The following UNC13B variants were observed in gnomAD, a reference collection of about 807,000 sequenced individuals.
UNC13B encodes the protein unc-13 homolog B.
In UNC13B, 144 loss-of-function variants were observed where a neutral mutation model predicts 211.0. The ratio of observed to expected loss-of-function variants is 0.68; its 90% CI spans 0.60 to 0.78. UNC13B has a LOEUF of 0.78. Ranked by LOEUF, UNC13B falls within the 30% of genes least tolerant of loss-of-function variation. The pLI, the probability that UNC13B is intolerant of heterozygous loss-of-function variation, is 0.00. For missense variants in UNC13B, 1,777 were observed against 2,002.0 expected (o/e 0.89, Z 2.14); for synonymous variants, 709 against 725.8 (o/e 0.98, Z 0.37).
chr9:35,201,997 C>T (rs1461337620), intron 1 of UNC13B, among the ~76,000 whole-genome samples: 1 of 152,164 alleles, frequency 6.6e-6, no homozygotes, highest in Non-Finnish European at 1.5e-5. Flanking sequence ...TTTCCGTCTA[C>T]ACATTGCTTT....
At position 35,313,971 on chromosome 9, in the gene UNC13B, T is replaced by C; in HGVS notation, c.9396T>C (p.Val3132=). Reference sequence around the variant, plus strand: ...ATTGGATCCGAGCAGTTACCAAGGTTCGACTCCAGCTGCAGGAGGTAGGAA... The same window carrying C: ...ATTGGATCCGAGCAGTTACCAAGGTCCGACTCCAGCTGCAGGAGGTAGGAA... The part of the protein sequence containing the change: ...RAHWIRAVTK[V]RLQLQEIPDD... Residue 3132 remains valine, a synonymous_variant, in exon 11 of 40, where the codon GTT becomes GTC. Transcript: ENST00000635942. The C allele has an allele frequency of 6.2e-7, 1 of 1,613,776 alleles. No homozygotes were observed. The highest frequency in any genetic ancestry group is 8.5e-7 in the Non-Finnish European group (1 of 1,179,716).
chr9:35,403,673 G>A (rs1481063884), intron 39 of UNC13B, 74 bp downstream of exon 39: 40 of 1,590,242 alleles, frequency 2.5e-5, no homozygotes, highest in Non-Finnish European at 2.8e-5. Flanking sequence ...AGGAGGGCCC[G>A]GGGGGATGGC....
chr9:35,176,235 GT>G (rs1350531231), intron 1 of UNC13B, among the ~76,000 whole-genome samples: 1 of 151,792 alleles, frequency 6.6e-6, no homozygotes, highest in East Asian at 1.9e-4. Flanking sequence ...AGTGCAAAGG[GT>G]TCATTCATTT....
At chr9:35,185,554 C>T (rs3904436) in intron 1 of UNC13B, among the ~76,000 whole-genome samples, 125,011 of 152,114 alleles carry the variant, frequency 0.82, 51,613 homozygotes, top group East Asian at 0.98. Context: ...GAGCTTCACT[C>T]TGGGCTCTTG....
At chr9:35,242,547 T>G (rs1382684309) in intron 5 of UNC13B, among the ~76,000 whole-genome samples, 1 of 152,210 alleles carries the variant, frequency 6.6e-6, no homozygotes, top group Non-Finnish European at 1.5e-5. Context: ...TATTTGTCTT[T>G]TTTGTGATGG....
At chr9:35,377,393 G>T in intron 15 of UNC13B, 75 bp from the exon 16 acceptor site, 2 of 1,484,312 alleles carry the variant, frequency 1.3e-6, no homozygotes, top group African/African-American at 2.8e-5. Context: ...CTGCTCTGCA[G>T]CCTCTCCCAG....
At chr9:35,183,766 GAT>G (rs1222363806) in intron 1 of UNC13B, among the ~76,000 whole-genome samples, 9 of 126,644 alleles carry the variant, frequency 7.1e-5, no homozygotes, top group African/African-American at 1.5e-4. Context: ...CATCCCAGAC[GAT>G]GGGCGGCCAG....
chr9:35,342,230 T>C, intron 11 of UNC13B: 2 of 985,644 alleles, frequency 2.0e-6, no homozygotes, highest in Non-Finnish European at 2.4e-6. Context: ...AACCAAGGAG[T>C]GCTCCTGGAT....
At chr9:35,354,130 T>A (rs1407543476) in intron 11 of UNC13B, among the ~76,000 whole-genome samples, 2 of 152,186 alleles carry the variant, frequency 1.3e-5, no homozygotes, top group Non-Finnish European at 2.9e-5. Context: ...CAGAAGTAGT[T>A]TGCAGCTGCA....
intron 11 of UNC13B, among the ~76,000 whole-genome samples, chr9:35,323,114 A>ATTTAT (rs1830823148): frequency 6.6e-6 from 1 of 151,412 alleles, no homozygotes; most frequent in African/African-American, 2.4e-5. Flanking sequence ...GGATCAGTCC[A>ATTTAT]GAGTTAATCC....
intron 6 of UNC13B, among the ~76,000 whole-genome samples, chr9:35,258,009 C>G (rs546102404): frequency 6.6e-6 from 1 of 152,160 alleles, no homozygotes; most frequent in Non-Finnish European, 1.5e-5. Context: ...TAGAAAAGTT[C>G]GAATTCTTAC....
At chr9:35,386,433 A>G (rs1398259487) in intron 24 of UNC13B, 140 bp downstream of exon 24, 7 of 1,157,218 alleles carry the variant, frequency 6.0e-6, no homozygotes, top group Admixed American at 2.6e-5. Flanking sequence ...AGTATGAACC[A>G]TGTGGACCAT....
At chr9:35,401,321 G>A (rs1256280023) in intron 37 of UNC13B, among the ~76,000 whole-genome samples, 1 of 152,182 alleles carries the variant, frequency 6.6e-6, no homozygotes, top group African/African-American at 2.4e-5. Flanking sequence ...TAAGAAAATG[G>A]AAGGGACCGA....
Position 35,381,041 on chromosome 9 carries a change from G to T in UNC13B, c.10376-59G>T, listed in dbSNP as rs548109525. On this transcript the variant is annotated intron_variant, in intron 18 of 39. Coordinates refer to ENST00000635942, the MANE Select transcript of UNC13B (RefSeq NM_001371189.2). ...CTCTTCCTTGGGTTAAGCCAGAATG[G>T]AACTATCTATGCTGTCTAGTTGCAT... is the stretch of plus-strand genomic sequence containing the variant. The T allele has an allele frequency of 2.9e-5, 44 of 1,512,376 alleles. No homozygotes were observed. In the African/African-American group the frequency reaches 4.8e-4, roughly 17 times the overall value. The allele number at this position is 1,512,376 out of a possible 1,614,324, so 93.7% of individuals were successfully genotyped here. A position where few individuals can be genotyped will look rare whatever the true frequency, so the allele number is the denominator to read the frequency against.
chr9:35,335,149 G>A (rs2131984615), intron 11 of UNC13B, among the ~76,000 whole-genome samples: 1 of 152,360 alleles, frequency 6.6e-6, no homozygotes, highest in Middle Eastern at 3.4e-3. Flanking sequence ...AGGACTTTAA[G>A]GAACAAGCCC....
rs933188785 is a variant in UNC13B, at chr9:35,307,251, G to C, written c.7847G>C (p.Gly2616Ala). The C allele has an allele frequency of 2.5e-6, 1 of 398,852 alleles. No homozygotes were observed. Among genetic ancestry groups the C allele is most frequent in the Non-Finnish European group, 4.4e-6 (1 of 226,074 alleles). 24.7% of individuals were successfully genotyped at this position (398,852 alleles called of 1,614,324 possible). The change falls in exon 9 of 40, where the codon GGT becomes GCT. Residue 2616 changes from glycine (G) to alanine (A), a missense_variant. Coordinates refer to ENST00000635942, the MANE Select transcript of UNC13B (RefSeq NM_001371189.2). ...SETINTSSFS[G>A]DDTGQGVLSL... ...ACAATTAATACATCTTCTTTCTCGG[G>C]TGATGATACTGGGCAAGGAGTATTG...
rs1436525647 is a variant in UNC13B, at chr9:35,405,265, G to C, written c.*1232G>C. On this transcript the variant is annotated 3_prime_UTR_variant, in exon 40 of 40. Coordinates refer to ENST00000635942, the MANE Select transcript of UNC13B (RefSeq NM_001371189.2). ...AAACAAGAAACCAAGCATCTTTGCT[G>C]TTGTTAATTATTATATGTGCCATTG... The C allele has an allele frequency of 6.6e-6, 1 of 152,644 alleles. No homozygotes were observed. Among genetic ancestry groups the C allele is most frequent in the Non-Finnish European group, 1.5e-5 (1 of 68,034 alleles). 9.5% of individuals were successfully genotyped at this position (152,644 alleles called of 1,614,324 possible).
At chr9:35,271,494 T>C (rs982687883) in intron 7 of UNC13B, among the ~76,000 whole-genome samples, 1 of 152,160 alleles carries the variant, frequency 6.6e-6, no homozygotes, top group Non-Finnish European at 1.5e-5. Context: ...CAACAAATGG[T>C]ATCAGTATAA....
intron 2 of UNC13B, among the ~76,000 whole-genome samples, chr9:35,228,247 A>G (rs1478854610): frequency 6.6e-6 from 1 of 152,122 alleles, no homozygotes; most frequent in African/African-American, 2.4e-5. Flanking sequence ...TAATAACTAT[A>G]TATTTAGAGG....
Sources: gnomAD v4.1 joint callset for allele counts (sites outside exome capture counted in the v4.1 genomes callset) on GRCh38, gnomAD v4.1.1 for gene constraint, MANE v1.5 for transcripts, NCBI Gene and HGNC (gene_info 2026-07-23, HGNC 2026-07-21) for gene names.